The following RBM20 variants were observed in gnomAD, a reference collection of about 807,000 sequenced individuals.
RBM20 encodes the protein RNA-binding protein 20.
RBM20 carries 51 observed loss-of-function variants against 110.1 expected under a neutral mutation model. That is an observed-to-expected ratio of 0.46 (90% CI 0.37 to 0.59). The LOEUF (loss-of-function observed/expected upper bound fraction) is 0.59. RBM20 is among the 20% of genes least tolerant of loss of function. The pLI is 0.00. For missense variants in RBM20, 1,512 were observed against 1,574.9 expected, an observed-to-expected ratio of 0.96 and a Z score of 0.68; for synonymous variants, 589 against 618.2, an observed-to-expected ratio of 0.95 and a Z score of 0.70.
At chr10:110,644,009 G>C (rs1861826231), upstream of RBM20, among the ~76,000 whole-genome samples, 1 of 152,186 alleles carries the variant, frequency 6.6e-6, no homozygotes, top group Non-Finnish European at 1.5e-5. The surrounding 1 kb of genome is among the most constrained non-coding windows in gnomAD (Gnocchi z 4.3). Flanking sequence ...GGTGGAGCGA[G>C]AGCGCGGCGG....
chr10:110,665,995 A>AAG (rs56329688), intron 1 of RBM20, among the ~76,000 whole-genome samples: 14,624 of 145,394 alleles, frequency 0.1, 854 homozygotes, highest in East Asian at 0.18. Flanking sequence ...CAAAGAAAGA[A>AAG]AGAGAGAGAG....
At chr10:110,804,438 T>A (rs974064809) in intron 7 of RBM20, among the ~76,000 whole-genome samples, 1 of 152,182 alleles carries the variant, frequency 6.6e-6, no homozygotes, top group Non-Finnish European at 1.5e-5. Context: ...GAAATTCTGA[T>A]TGCTCTTTCT....
chr10:110,756,976 T>G (rs1476496420), intron 1 of RBM20, among the ~76,000 whole-genome samples: 1 of 152,226 alleles, frequency 6.6e-6, no homozygotes, highest in Non-Finnish European at 1.5e-5. Context: ...AATTGCCATG[T>G]GCTCTTTCAG....
At chr10:110,717,882 G>A (rs1205609915) in intron 1 of RBM20, among the ~76,000 whole-genome samples, 2 of 152,242 alleles carry the variant, frequency 1.3e-5, no homozygotes, top group Non-Finnish European at 2.9e-5. Flanking sequence ...GTGCGAGGGA[G>A]GAGCCTCATT....
intron 1 of RBM20, among the ~76,000 whole-genome samples, chr10:110,648,025 A>G (rs1237491189): frequency 6.6e-6 from 1 of 152,228 alleles, no homozygotes; most frequent in African/African-American, 2.4e-5. Flanking sequence ...TTGCAGCAAA[A>G]TATTCCTGGG....
At chr10:110,733,440 C>T (rs1159406119) in intron 1 of RBM20, among the ~76,000 whole-genome samples, 3 of 152,200 alleles carry the variant, frequency 2.0e-5, no homozygotes, top group Admixed American at 6.5e-5. Context: ...CCTACCCAAA[C>T]GGGTGTCTTT....
At chr10:110,823,431 CTTTTTTTT>C (rs201149204) in intron 11 of RBM20, 41 bp from the exon 12 acceptor site, 61,217 of 1,277,092 alleles carry the variant, frequency 0.048, 102 homozygotes, top group Non-Finnish European at 0.054. Context: ...TGTTGTATTT[CTTTTTTTT>C]TTTTTTTTTT....
At chr10:110,762,218 G>T (rs1844015104) in intron 1 of RBM20, among the ~76,000 whole-genome samples, 1 of 152,206 alleles carries the variant, frequency 6.6e-6, no homozygotes, top group Non-Finnish European at 1.5e-5. Context: ...ATCTTAATTT[G>T]TTTTAAGACT....
intron 1 of RBM20, among the ~76,000 whole-genome samples, chr10:110,678,008 T>C (rs907010027): frequency 5.3e-5 from 8 of 152,226 alleles, no homozygotes; most frequent in Admixed American, 1.3e-4. Flanking sequence ...TCTTAGGTGC[T>C]GAGTGATGAA....
At chr10:110,828,294 G>A (rs1043202142) in intron 12 of RBM20, among the ~76,000 whole-genome samples, 6 of 152,180 alleles carry the variant, frequency 3.9e-5, no homozygotes, top group Non-Finnish European at 7.3e-5. Context: ...TCATGTCCCC[G>A]TCACATTCCA....
intron 1 of RBM20, among the ~76,000 whole-genome samples, chr10:110,757,186 A>G (rs1272408481): frequency 1.3e-5 from 2 of 152,094 alleles, no homozygotes; most frequent in Non-Finnish European, 2.9e-5. Context: ...TTTGCTTTCT[A>G]ATTGCTTATT....
At chr10:110,792,191 G>C (rs924115210) in intron 5 of RBM20, among the ~76,000 whole-genome samples, 3 of 145,140 alleles carry the variant, frequency 2.1e-5, no homozygotes, top group African/African-American at 7.7e-5. Context: ...ATCTATCTAT[G>C]TATCCATCAT....
intron 1 of RBM20, among the ~76,000 whole-genome samples, chr10:110,683,355 A>G (rs1355736681): frequency 6.6e-6 from 1 of 152,254 alleles, no homozygotes; most frequent in African/African-American, 2.4e-5. Context: ...GTGCTGGTTG[A>G]GTTGCAGTAA....
intron 5 of RBM20, among the ~76,000 whole-genome samples, chr10:110,796,722 T>C (rs977487812): frequency 1.9e-4 from 29 of 152,240 alleles, no homozygotes; most frequent in African/African-American, 7.0e-4. Context: ...CACTGCATTC[T>C]AGTCTGAGTG....
At chr10:110,746,692 A>G (rs1157034812) in intron 1 of RBM20, among the ~76,000 whole-genome samples, 1 of 152,208 alleles carries the variant, frequency 6.6e-6, no homozygotes, top group African/African-American at 2.4e-5. Context: ...GTCTGGGATT[A>G]GGGTTGCAAT....
chr10:110,645,216 C>T (rs371319767), intron 1 of RBM20, among the ~76,000 whole-genome samples: 1 of 152,164 alleles, frequency 6.6e-6, no homozygotes. Flanking sequence ...TCTTGTGACT[C>T]GGGTGACCTG....
Position 110,820,098 on chromosome 10 carries a change from G to A in RBM20, c.2577G>A (p.Met859Ile). The A allele has an allele frequency of 1.3e-6, 2 of 1,550,734 alleles. No individual in the cohort carries two copies. Among genetic ancestry groups the A allele is most frequent in the Non-Finnish European group, 1.7e-6 (2 of 1,146,296 alleles). ...NEAGKEEQEG[M>I]EESPQSVGRQ... ...CTGGAAAAGAGGAACAGGAGGGCAT[G>A]GAAGAAAGCCCTCAATCAGTGGGCA... is the stretch of plus-strand genomic sequence containing the variant. The change falls in exon 10 of 14, where the codon ATG (methionine) becomes ATA (isoleucine). Residue 859 changes from methionine to isoleucine, a missense_variant. By Grantham distance (10) the Met-to-Ile change is conservative. Around this residue, in one of 3 missense-constraint regions of RBM20, gnomAD observed 1,149 missense variants for 1,169.4 expected, o/e 0.98. Transcript: ENST00000369519.
chr10:110,740,944 T>G (rs867834939), intron 1 of RBM20, among the ~76,000 whole-genome samples: 2 of 152,210 alleles, frequency 1.3e-5, no homozygotes, highest in Non-Finnish European at 2.9e-5. Context: ...AACATGGCTC[T>G]CATTACCTGG....
chr10:110,724,221 A>C (rs537461753), intron 1 of RBM20, among the ~76,000 whole-genome samples: 1 of 152,284 alleles, frequency 6.6e-6, no homozygotes, highest in African/African-American at 2.4e-5. Context: ...AAAACAAATG[A>C]CCAAACAAAA....
Sources: gnomAD v4.1 joint callset for allele counts (sites outside exome capture counted in the v4.1 genomes callset) on GRCh38, gnomAD v4.1.1 for gene constraint, gnomAD v4.1.1 regional missense constraint, Gnocchi (gnomAD v3.1) non-coding constraint, MANE v1.5 for transcripts, NCBI Gene and HGNC (gene_info 2026-07-23, HGNC 2026-07-21) for gene names.